Variants in PABPC4L observed in about 807,000 individuals in gnomAD.
PABPC4L encodes polyadenylate-binding protein 4-like.
For synonymous variants in PABPC4L, 169 were observed against 164.1 expected (o/e 1.03, Z -0.23); for missense variants, 452 against 451.4 (o/e 1.00, Z -0.01).
the PABPC4L span, among the ~76,000 whole-genome samples, chr4:134,006,075 A>C: frequency 6.6e-6 from 1 of 151,900 alleles, no homozygotes; most frequent in Non-Finnish European, 1.5e-5. Context: ...AGTAAAATAT[A>C]TACAAATATA....
chr4:134,100,216 G>C, the PABPC4L span, among the ~76,000 whole-genome samples: 2 of 151,482 alleles, frequency 1.3e-5, no homozygotes, highest in African/African-American at 2.4e-5. Context: ...TAAGAGCATC[G>C]AACAACTTTA....
At chr4:134,033,168 C>T in the PABPC4L span, among the ~76,000 whole-genome samples, 2 of 151,482 alleles carry the variant, frequency 1.3e-5, no homozygotes, top group East Asian at 1.9e-4. Flanking sequence ...ATTTTTTCAT[C>T]GCTATTATAT....
the PABPC4L span, among the ~76,000 whole-genome samples, chr4:134,050,598 G>A: frequency 2.0e-5 from 3 of 151,042 alleles, no homozygotes; most frequent in Non-Finnish European, 2.9e-5. Flanking sequence ...CCAGCTACTC[G>A]GGAGGCTGAG....
At chr4:134,109,489 T>C in the PABPC4L span, among the ~76,000 whole-genome samples, 1 of 151,598 alleles carries the variant, frequency 6.6e-6, no homozygotes, top group Non-Finnish European at 1.5e-5. Flanking sequence ...AATAAATAAA[T>C]AGAAGGGAGA....
the PABPC4L span, among the ~76,000 whole-genome samples, chr4:134,151,431 T>C: frequency 6.6e-6 from 1 of 152,100 alleles, no homozygotes; most frequent in Non-Finnish European, 1.5e-5. Context: ...AACGATCATA[T>C]TATAATGTCT....
At chr4:134,164,091 G>A in the PABPC4L span, among the ~76,000 whole-genome samples, 3,333 of 150,458 alleles carry the variant, frequency 0.022, 127 homozygotes, top group African/African-American at 0.077. Context: ...GTGAAACCCC[G>A]TCTCTACTAA....
the PABPC4L span, among the ~76,000 whole-genome samples, chr4:134,100,996 A>T: frequency 0.023 from 3,558 of 151,568 alleles, 121 homozygotes; most frequent in African/African-American, 0.08. Context: ...CATATTTCCC[A>T]TCAAAAACAA....
At chr4:134,036,423 A>G in the PABPC4L span, among the ~76,000 whole-genome samples, 2 of 152,168 alleles carry the variant, frequency 1.3e-5, no homozygotes, top group African/African-American at 2.4e-5. Context: ...ACTGGATTTT[A>G]AAAAGTAATC....
At chr4:134,176,280 A>G in the PABPC4L span, among the ~76,000 whole-genome samples, 6 of 152,114 alleles carry the variant, frequency 3.9e-5, no homozygotes, top group South Asian at 6.2e-4. Context: ...CTATATTATT[A>G]TTTATATCAT....
chr4:134,161,335 TAGAG>T, the PABPC4L span, among the ~76,000 whole-genome samples: 1 of 151,630 alleles, frequency 6.6e-6, no homozygotes, highest in Admixed American at 6.6e-5. Flanking sequence ...AAAGAGGATG[TAGAG>T]AGAGAGAATG....
chr4:134,043,911 T>A, the PABPC4L span, among the ~76,000 whole-genome samples: 2,448 of 151,844 alleles, frequency 0.016, 70 homozygotes, highest in African/African-American at 0.056. Context: ...TATATGTGTG[T>A]GTGTGTGTGT....
chr4:134,023,368 G>C, the PABPC4L span, among the ~76,000 whole-genome samples: 1 of 152,054 alleles, frequency 6.6e-6, no homozygotes, highest in African/African-American at 2.4e-5. Flanking sequence ...TGTGTATGTG[G>C]GGAGACAGCT....
the PABPC4L span, among the ~76,000 whole-genome samples, chr4:134,126,202 C>T: frequency 1.3e-5 from 2 of 152,068 alleles, no homozygotes; most frequent in African/African-American, 4.8e-5. Flanking sequence ...TACTTACAAA[C>T]ATCACAGCTG....
the PABPC4L span, among the ~76,000 whole-genome samples, chr4:134,018,198 G>A: frequency 5.5e-4 from 83 of 151,852 alleles, no homozygotes; most frequent in African/African-American, 1.7e-3. Context: ...ACTCCTGCCC[G>A]CCAGAGAACA....
rs1729680376 is a variant in PABPC4L, at chr4:134,196,995, C to G, written c.*2912G>C. 6.6e-6 allele frequency: 1 copy of G among 151,606 alleles called. No homozygotes were observed. Among genetic ancestry groups the G allele is most frequent in the African/African-American group, 2.4e-5 (1 of 41,388 alleles). 9.4% of individuals were successfully genotyped at this position (151,606 alleles called of 1,614,324 possible). A position where few individuals can be genotyped will look rare whatever the true frequency, so the allele number is the denominator to read the frequency against. On this transcript the variant is annotated 3_prime_UTR_variant, in exon 2 of 2. Coordinates refer to ENST00000421491, the MANE Select transcript of PABPC4L (RefSeq NM_001114734.2). ...TCTTGAAAGATTATGTAAGCATTAT[C>G]AAATATTGTTCAAATATTTGAACAG...
chr4:134,133,004 C>A, the PABPC4L span, among the ~76,000 whole-genome samples: 1 of 117,716 alleles, frequency 8.5e-6, no homozygotes, highest in African/African-American at 3.7e-5. Flanking sequence ...ATGATATATA[C>A]TATATGATAG....
the PABPC4L span, among the ~76,000 whole-genome samples, chr4:134,035,316 G>A: frequency 6.6e-6 from 1 of 151,958 alleles, no homozygotes; most frequent in Admixed American, 6.6e-5. Flanking sequence ...TAAATTTATT[G>A]TGGTGGTATG....
the PABPC4L span, among the ~76,000 whole-genome samples, chr4:133,984,568 G>A: frequency 1.3e-5 from 2 of 151,816 alleles, no homozygotes; most frequent in African/African-American, 4.8e-5. Flanking sequence ...CACTATCTCT[G>A]AAATCTATGA....
At chr4:134,064,360 T>C in the PABPC4L span, among the ~76,000 whole-genome samples, 1 of 152,076 alleles carries the variant, frequency 6.6e-6, no homozygotes, top group African/African-American at 2.4e-5. Context: ...TTTTAAAATG[T>C]AATTAGACAT....
Sources: gnomAD v4.1 joint callset for allele counts (sites outside exome capture counted in the v4.1 genomes callset) on GRCh38, gnomAD v4.1.1 for gene constraint, MANE v1.5 for transcripts, NCBI Gene and HGNC (gene_info 2026-07-23, HGNC 2026-07-21) for gene names.